The following SLC35F4 variants were observed in gnomAD, a reference collection of about 807,000 sequenced individuals.
SLC35F4 encodes solute carrier family 35 member F4, also known as chromosome 14 open reading frame 36.
SLC35F4 carries 24 observed loss-of-function variants against 44.2 expected under a neutral mutation model. The ratio of observed to expected loss-of-function variants is 0.54; its 90% CI spans 0.39 to 0.76. The LOEUF (loss-of-function observed/expected upper bound fraction) is 0.76. Ranked by LOEUF, SLC35F4 falls within the 30% of genes least tolerant of loss-of-function variation. The pLI is 0.00. For missense variants in SLC35F4, 562 were observed against 586.1 expected, an observed-to-expected ratio of 0.96 and a Z score of 0.42; for synonymous variants, 238 against 223.6, an observed-to-expected ratio of 1.06 and a Z score of -0.57.
intron 1 of SLC35F4, among the ~76,000 whole-genome samples, chr14:57,736,482 A>G (rs1594919784): frequency 6.6e-6 from 1 of 152,240 alleles, no homozygotes; most frequent in Non-Finnish European, 1.5e-5. Context: ...GGGATAGCAC[A>G]GTGGTCATTA....
intron 1 of SLC35F4, among the ~76,000 whole-genome samples, chr14:57,810,090 A>G (rs1368301542): frequency 1.3e-5 from 2 of 152,216 alleles, no homozygotes; most frequent in Non-Finnish European, 2.9e-5. Context: ...AGTTGGATGC[A>G]GTAATCACAA....
intron 1 of SLC35F4, among the ~76,000 whole-genome samples, chr14:57,917,145 C>A (rs1889345318): frequency 6.6e-6 from 1 of 152,160 alleles, no homozygotes; most frequent in South Asian, 2.1e-4. Flanking sequence ...ACTGCAACCT[C>A]CACCTCCTTG....
Position 57,589,263 on chromosome 14 carries a change from A to G in SLC35F4, c.540T>C (p.Gly180=). The part of the protein sequence containing the change: ...NIMFFPVYYS[G]HLATAQEKQS... ...GCTTTTCTTGAGCAGTGGCTAGATG[A>G]CCAGAATAATAGACTGGGAAAAACA... Residue 180 remains glycine (G), a synonymous_variant, in exon 3 of 8, where the codon GGT becomes GGC. Transcript: ENST00000556826. 6.2e-7 allele frequency: 1 copy of G among 1,613,744 alleles called. No homozygotes were observed. Among genetic ancestry groups the G allele is most frequent in the Non-Finnish European group, 8.5e-7 (1 of 1,179,804 alleles).
intron 1 of SLC35F4, among the ~76,000 whole-genome samples, chr14:57,664,667 TC>T (rs1052024633): frequency 2.9e-4 from 44 of 152,258 alleles, no homozygotes; most frequent in African/African-American, 1.0e-3. Flanking sequence ...TGCCTCGGCC[TC>T]CCAAAGTGCT....
intron 6 of SLC35F4, among the ~76,000 whole-genome samples, chr14:57,568,102 C>T (rs529829071): frequency 3.1e-4 from 47 of 152,328 alleles, no homozygotes; most frequent in Admixed American, 2.9e-3. Context: ...GGGAGGCTAT[C>T]TCCTCGATTG....
chr14:57,582,628 T>C (rs1378719605), intron 3 of SLC35F4, among the ~76,000 whole-genome samples: 1 of 152,168 alleles, frequency 6.6e-6, no homozygotes, highest in Admixed American at 6.5e-5. Context: ...GAATTTTAAT[T>C]TTTTTCCCAC....
chr14:57,651,512 T>C (rs1373512041), intron 1 of SLC35F4, among the ~76,000 whole-genome samples: 1 of 152,052 alleles, frequency 6.6e-6, no homozygotes, highest in Non-Finnish European at 1.5e-5. Context: ...CCGTCACAGA[T>C]ACCGAGAGTC....
In SLC35F4 at chr14:57,565,232, T is replaced by C. The variant is rs1014457807; in HGVS notation, c.1217-856A>G. Reference sequence around the variant, plus strand: ...TATTTTTAATCTCTGTTTTCACTTTTTTGGGGTATACACTCAGGAGTGGAG... The same window carrying C: ...TATTTTTAATCTCTGTTTTCACTTTCTTGGGGTATACACTCAGGAGTGGAG... On this transcript the variant is annotated intron_variant, in intron 7 of 7. Transcript: ENST00000556826. 8.5e-5 allele frequency among the ~76,000 whole-genome samples: 13 copies of C among 152,220 alleles called. No individual in the cohort carries two copies. The East Asian group carries it at 2.1e-3, about 25-fold the overall frequency.
At chr14:57,819,641 T>TA (rs72330695) in intron 1 of SLC35F4, among the ~76,000 whole-genome samples, 31,283 of 139,210 alleles carry the variant, frequency 0.22, 4,669 homozygotes, top group African/African-American at 0.44. Context: ...CCATCTCTAC[T>TA]AAAAAAAAAA....
intron 3 of SLC35F4, among the ~76,000 whole-genome samples, chr14:57,582,130 G>C (rs1416171037): frequency 6.6e-6 from 1 of 152,134 alleles, no homozygotes; most frequent in Non-Finnish European, 1.5e-5. Flanking sequence ...CGGTTTGTTT[G>C]ATTTTTCAAG....
chr14:57,627,580 A>G (rs1388325213), intron 1 of SLC35F4, among the ~76,000 whole-genome samples: 1 of 152,150 alleles, frequency 6.6e-6, no homozygotes, highest in Non-Finnish European at 1.5e-5. Context: ...GACTGGTTTT[A>G]TTATTAATCA....
chr14:57,630,152 G>C, intron 1 of SLC35F4: 1 of 555,756 alleles, frequency 1.8e-6, no homozygotes, highest in Non-Finnish European at 3.6e-6. Flanking sequence ...TTAAAATACA[G>C]TTTGCCTAGG....
intron 1 of SLC35F4, among the ~76,000 whole-genome samples, chr14:57,822,973 T>C (rs1883332692): frequency 6.6e-6 from 1 of 152,176 alleles, no homozygotes; most frequent in African/African-American, 2.4e-5. Context: ...ATATTCCAAG[T>C]TAGTATCTCC....
At chr14:57,763,844 G>GA (rs2077178351) in intron 1 of SLC35F4, among the ~76,000 whole-genome samples, 1 of 152,096 alleles carries the variant, frequency 6.6e-6, no homozygotes, top group African/African-American at 2.4e-5. Flanking sequence ...CCCTTGCCAA[G>GA]AAGTGTTACC....
chr14:57,748,458 C>G (rs912927941), intron 1 of SLC35F4, among the ~76,000 whole-genome samples: 1 of 152,020 alleles, frequency 6.6e-6, no homozygotes, highest in African/African-American at 2.4e-5. Context: ...TCAGGAACCA[C>G]CTGCATCAGA....
chr14:57,860,047 C>G (rs150067610), intron 1 of SLC35F4, among the ~76,000 whole-genome samples: 1 of 151,958 alleles, frequency 6.6e-6, no homozygotes, highest in East Asian at 1.9e-4. Context: ...GATGGTAATG[C>G]CATGGGATTA....
At chr14:57,833,659 T>C (rs561504507) in intron 1 of SLC35F4, among the ~76,000 whole-genome samples, 1 of 152,302 alleles carries the variant, frequency 6.6e-6, no homozygotes, top group East Asian at 1.9e-4. Flanking sequence ...TTACAACCAA[T>C]ATCAAATGAA....
chr14:57,603,993 A>AAT (rs765830566), intron 1 of SLC35F4: 3 of 152,106 alleles, frequency 2.0e-5, no homozygotes, highest in Non-Finnish European at 4.4e-5. Context: ...ATTTAGGAAA[A>AAT]TTTTCTGGAT....
intron 1 of SLC35F4, among the ~76,000 whole-genome samples, chr14:57,616,184 C>G (rs2071810190): frequency 6.6e-6 from 1 of 152,172 alleles, no homozygotes; most frequent in South Asian, 2.1e-4. Context: ...TTCAGCTTCT[C>G]AAACTTGAAA....
Sources: allele counts gnomAD v4.1 joint callset (sites outside exome capture counted in the v4.1 genomes callset), GRCh38; gene constraint gnomAD v4.1.1; transcripts MANE v1.5; gene names NCBI Gene and HGNC (gene_info 2026-07-23, HGNC 2026-07-21).